PLAAT5: variants seen among roughly 807,000 people sequenced by gnomAD.
The protein encoded by PLAAT5 is Ca(2+)-independent N-acyltransferase.
PLAAT5 carries 27 observed loss-of-function variants against 27.8 expected under a neutral mutation model. The observed-to-expected ratio is 0.97, with a 90% confidence interval of 0.72 to 1.34. The LOEUF is 1.34. PLAAT5 is among the 40% of genes most tolerant of loss of function. The pLI, the probability that PLAAT5 is intolerant of heterozygous loss-of-function variation, is 0.00. For synonymous variants in PLAAT5, 125 were observed against 136.1 expected (o/e 0.92, Z 0.57); for missense variants, 368 against 343.8 (o/e 1.07, Z -0.56).
rs762476077 is a variant in PLAAT5 at position 63,490,282 on chromosome 11, G to A, written c.200C>T (p.Pro67Leu). 1.2e-6 allele frequency: 2 copies of A among 1,614,196 alleles called. No homozygotes were observed. The highest frequency in any genetic ancestry group is 1.3e-5 in the African/African-American group (1 of 75,044). Residue 67 changes from proline to leucine, a missense_variant, in exon 2 of 6, where the codon CCG (proline) becomes CTG (leucine). Pro to Leu is a moderately conservative substitution (Grantham distance 98). Coordinates refer to ENST00000540857, the MANE Select transcript of PLAAT5 (RefSeq NM_001146729.2). Reference sequence around the variant, plus strand: ...TCTGCCCTGTTCTAATGTGCCCGGCGGAGGCTGCTTGGCTGGGAGCTGGAC... The same window carrying A: ...TCTGCCCTGTTCTAATGTGCCCGGCAGAGGCTGCTTGGCTGGGAGCTGGAC... The part of the protein sequence containing the change: ...ALVQLPAKQP[P>L]PGTLEQGRSI...
chr11:63,469,143 T>TGA (rs1283736817), intron 3 of PLAAT5, among the ~76,000 whole-genome samples: 1,706 of 139,198 alleles, frequency 0.012, 29 homozygotes, highest in African/African-American at 0.053. Flanking sequence ...TGTGTGTGTG[T>TGA]GTGAGAGAGA....
intron 4 of PLAAT5, among the ~76,000 whole-genome samples, chr11:63,466,917 G>C (rs1420874311): frequency 6.6e-6 from 1 of 152,152 alleles, no homozygotes; most frequent in Admixed American, 6.5e-5. Context: ...CAAATACGGG[G>C]ATTCTCATTA....
chr11:63,469,145 T>TGTGTGTGTGTGTGA (rs377110717), intron 3 of PLAAT5, among the ~76,000 whole-genome samples: 19 of 122,710 alleles, frequency 1.5e-4, no homozygotes, highest in African/African-American at 4.2e-4. Context: ...TGTGTGTGTG[T>TGTGTGTGTGTGTGA]GAGAGAGAGA....
At chr11:63,469,103 CGTGTGTGT>C (rs34013443) in intron 3 of PLAAT5, among the ~76,000 whole-genome samples, 27 of 134,348 alleles carry the variant, frequency 2.0e-4, no homozygotes, top group South Asian at 5.0e-4. Flanking sequence ...TCTCTATTAT[CGTGTGTGT>C]GTGTGTGTGT....
At chr11:63,480,189 C>T (rs985726691) in intron 3 of PLAAT5, among the ~76,000 whole-genome samples, 5 of 152,246 alleles carry the variant, frequency 3.3e-5, no homozygotes, top group Admixed American at 1.3e-4. Flanking sequence ...TCCCACTCAA[C>T]ATGGCTAGGT....
intron 3 of PLAAT5, among the ~76,000 whole-genome samples, chr11:63,481,986 A>G (rs1358161697): frequency 6.6e-6 from 1 of 152,230 alleles, no homozygotes; most frequent in Non-Finnish European, 1.5e-5. Flanking sequence ...CAGCGCACCA[A>G]CATGGCACAT....
chr11:63,466,899 C>G (rs1322798973), intron 4 of PLAAT5, among the ~76,000 whole-genome samples: 2 of 152,144 alleles, frequency 1.3e-5, no homozygotes, highest in Non-Finnish European at 2.9e-5. Flanking sequence ...ACTTGACTGA[C>G]CTCTACTCAA....
intron 3 of PLAAT5, among the ~76,000 whole-genome samples, chr11:63,478,004 C>T (rs2016192861): frequency 6.6e-6 from 1 of 152,074 alleles, no homozygotes; most frequent in Non-Finnish European, 1.5e-5. Flanking sequence ...TTTTCAAGAC[C>T]CTCTTTAGTT....
intron 5 of PLAAT5, among the ~76,000 whole-genome samples, chr11:63,464,655 C>CAA (rs5792290): frequency 6.7e-6 from 1 of 149,450 alleles, no homozygotes; most frequent in African/African-American, 2.5e-5. Context: ...GACTCTGTCT[C>CAA]AAAAAAAAAG....
At chr11:63,485,288 T>A (rs1733759120) in intron 3 of PLAAT5, among the ~76,000 whole-genome samples, 2 of 152,074 alleles carry the variant, frequency 1.3e-5, no homozygotes, top group African/African-American at 2.4e-5. Flanking sequence ...AATCCTAAAA[T>A]TAGTATGGAA....
intron 4 of PLAAT5, 66 bp downstream of exon 4, chr11:63,468,291 T>A: frequency 8.7e-7 from 1 of 1,155,996 alleles, no homozygotes; most frequent in South Asian, 1.3e-5. Context: ...AACACAGTAA[T>A]TAACTGTGCT....
chr11:63,468,978 T>G (rs1017971349), intron 3 of PLAAT5, among the ~76,000 whole-genome samples: 1 of 152,072 alleles, frequency 6.6e-6, no homozygotes, highest in Non-Finnish European at 1.5e-5. Context: ...TGATTCCCTC[T>G]GCAGGGCCCC....
chr11:63,468,952 G>A (rs1228227211), intron 3 of PLAAT5, among the ~76,000 whole-genome samples: 8 of 151,958 alleles, frequency 5.3e-5, no homozygotes, highest in Non-Finnish European at 1.5e-5. Context: ...AAGGCCTCCT[G>A]CCCCTGCTGG....
rs1218104418 is a variant in PLAAT5 at position 63,490,922 on chromosome 11, GGCTGGTCC to G, written c.105_112del (p.Lys35AsnfsTer49). 2.5e-5 allele frequency: 40 copies of G among 1,603,686 alleles called. No homozygotes were observed. Among genetic ancestry groups the G allele is most frequent in the Non-Finnish European group, 3.1e-5 (37 of 1,175,510 alleles). On this transcript the variant is annotated frameshift_variant, in exon 1 of 6. Coordinates refer to ENST00000540857, the MANE Select transcript of PLAAT5 (RefSeq NM_001146729.2). LOFTEE classifies it high-confidence loss of function. Reference sequence around the variant, plus strand: ...CACAGCTGAACGTCTGAGCGCAGGCGGCTGGTCCTTGGGCCCGGTACTGGCGGTTCGCG... The same window carrying G: ...CACAGCTGAACGTCTGAGCGCAGGCGTTGGGCCCGGTACTGGCGGTTCGCG...
chr11:63,489,836 A>G (rs1017156336), intron 2 of PLAAT5, among the ~76,000 whole-genome samples: 2 of 152,244 alleles, frequency 1.3e-5, no homozygotes, highest in Non-Finnish European at 2.9e-5. Context: ...CATTTTCAGT[A>G]GAGCTCCTCT....
In PLAAT5 at chr11:63,490,143, A is replaced by C. The variant is rs543189086; in HGVS notation, c.239+100T>G. 15 of 1,544,156 alleles carry C rather than the reference A, an allele frequency of 9.7e-6. No individual in the cohort carries two copies. The African/African-American group carries it at 1.4e-4, about 14-fold the overall frequency. ...GCTGGGTACCGGCTGGCTGGTTCAC[A>C]CAAAAACCACCTCTGGGTTTGTTTT... On this transcript the variant is annotated intron_variant, in intron 2 of 5. Transcript: ENST00000540857.
In PLAAT5 at chr11:63,491,098, A is replaced by G. The variant is rs1047614167; in HGVS notation, c.-64T>C. ...GGGACTACGCCCCTGGCGAGTTCCC[A>G]GTCGGCGCGGCCCCTGGTCGGCGGA... is the stretch of plus-strand genomic sequence containing the variant. On this transcript the variant is annotated 5_prime_UTR_variant, in exon 1 of 6. Transcript: ENST00000540857. 4.7e-6 allele frequency: 6 copies of G among 1,278,444 alleles called. No individual in the cohort carries two copies. In the East Asian group the frequency reaches 1.9e-4, roughly 40 times the overall value. 79.2% of individuals were successfully genotyped at this position (1,278,444 alleles called of 1,614,324 possible).
At chr11:63,474,748 G>C (rs2016113264) in intron 3 of PLAAT5, among the ~76,000 whole-genome samples, 1 of 151,718 alleles carries the variant, frequency 6.6e-6, no homozygotes, top group African/African-American at 2.4e-5. Flanking sequence ...TAAGGTAGGA[G>C]CTTAGATTAT....
In PLAAT5 at chr11:63,483,829, A is replaced by ATACACATATATATATATGTG. The variant is rs1565215374; in HGVS notation, c.345+5041_345+5042insCACATATATATATATGTGTA. 2.1e-3 allele frequency among the ~76,000 whole-genome samples: 247 copies of ATACACATATATATATATGTG among 118,326 alleles called. 5 individuals carry two copies. The highest frequency in any genetic ancestry group is 7.4e-3 in the African/African-American group (242 of 32,884). 77.6% of individuals were successfully genotyped at this position (118,326 alleles called of 152,430 possible). On this transcript the variant is annotated intron_variant, in intron 3 of 5. Transcript: ENST00000540857. ...TATATATATATATATATATATATAT[A>ATACACATATATATATATGTG]TATATATATATATACACATATATAT... is the stretch of plus-strand genomic sequence containing the variant.
Sources: gnomAD v4.1 joint callset for allele counts (sites outside exome capture counted in the v4.1 genomes callset) on GRCh38, gnomAD v4.1.1 for gene constraint, MANE v1.5 for transcripts, NCBI Gene and HGNC (gene_info 2026-07-23, HGNC 2026-07-21) for gene names.